TPP2: variants seen among roughly 807,000 people sequenced by gnomAD.
TPP2 encodes tripeptidyl peptidase 2, also known as tripeptidyl-peptidase 2.
Under a neutral mutation model 155.9 loss-of-function variants are expected in TPP2, and 34 were observed. The observed-to-expected ratio is 0.22, with a 90% CI of 0.17 to 0.29. The LOEUF (loss-of-function observed/expected upper bound fraction) is 0.29. TPP2 is among the 10% of genes least tolerant of loss of function. TPP2 has a pLI of 1.00. For missense variants in TPP2, 1,028 were observed against 1,522.3 expected (o/e 0.68, Z 5.40); for synonymous variants, 510 against 529.4 (o/e 0.96, Z 0.50).
At chr13:102,669,054 C>A (rs1343706269) in intron 27 of TPP2, among the ~76,000 whole-genome samples, 1 of 152,122 alleles carries the variant, frequency 6.6e-6, no homozygotes, top group Non-Finnish European at 1.5e-5. Flanking sequence ...TGTCTTCTTC[C>A]CAGTGTTAAC....
Position 102,676,464 on chromosome 13 carries a change from T to C in TPP2, c.3699+49T>C, listed in dbSNP as rs758137807. 4.9e-5 allele frequency: 78 copies of C among 1,589,734 alleles called. 1 individual carries two copies. The South Asian group carries it at 8.4e-4, about 17-fold the overall frequency. ...TGTTAAGCATCACTTTGATATTGCA[T>C]AGTGACAAGATAACTAGAAAGGATT... On this transcript the variant is annotated intron_variant, in intron 29 of 29. Transcript: ENST00000376052.
At chr13:102,628,900 C>T (rs551877990) in intron 8 of TPP2, among the ~76,000 whole-genome samples, 1 of 152,170 alleles carries the variant, frequency 6.6e-6, no homozygotes, top group Non-Finnish European at 1.5e-5. Context: ...CTCACACTTA[C>T]AACTTTGAAG....
intron 27 of TPP2, among the ~76,000 whole-genome samples, chr13:102,667,345 T>G (rs1484240169): frequency 6.6e-6 from 1 of 152,208 alleles, no homozygotes; most frequent in Admixed American, 6.5e-5. Context: ...CTAACTAGAT[T>G]TGATTTCAAG....
At chr13:102,672,774 G>A (rs947988424) in intron 27 of TPP2, among the ~76,000 whole-genome samples, 15 of 152,314 alleles carry the variant, frequency 9.8e-5, no homozygotes, top group Non-Finnish European at 1.9e-4. Flanking sequence ...GGCAAGCCAT[G>A]CAGATGCCCC....
At chr13:102,625,097 A>G (rs1203023174) in intron 6 of TPP2, among the ~76,000 whole-genome samples, 1 of 147,042 alleles carries the variant, frequency 6.8e-6, no homozygotes, top group South Asian at 2.1e-4. Flanking sequence ...TGACCTCGTG[A>G]TCCACCCGCC....
chr13:102,659,326 C>T (rs899659905), intron 25 of TPP2, among the ~76,000 whole-genome samples: 2 of 151,936 alleles, frequency 1.3e-5, no homozygotes, highest in East Asian at 3.9e-4. Flanking sequence ...CTGGAAACAC[C>T]CCATATTTAT....
At chr13:102,620,853 A>C (rs1277159943) in intron 5 of TPP2, among the ~76,000 whole-genome samples, 4 of 152,188 alleles carry the variant, frequency 2.6e-5, no homozygotes, top group Non-Finnish European at 5.9e-5. Context: ...TTTACAGTGG[A>C]TTTTGACCTT....
At position 102,652,397 on chromosome 13, in the gene TPP2, CATATATATATATATATATATATATATAT is replaced by C. The variant is rs10530428; in HGVS notation, c.2991+1030_2991+1057del. On this transcript the variant is annotated intron_variant, in intron 24 of 29. Transcript: ENST00000376052. Reference sequence around the variant, plus strand: ...CCTGTCTCAAAACAAAACATACATACATATATATATATATATATATATATATATATATATATATATATATATATATATA... The same window carrying C: ...CCTGTCTCAAAACAAAACATACATACATATATATATATATATATATATATA... Among the ~76,000 whole-genome samples, 114 of 125,552 alleles carry C rather than the reference CATATATATATATATATATATATATATAT, an allele frequency of 9.1e-4. 1 individual carries two copies. Among genetic ancestry groups the C allele is most frequent in the Middle Eastern group, 4.2e-3 (1 of 240 alleles). The allele number at this position is 125,552 out of a possible 152,430, so 82.4% of individuals were successfully genotyped here. A position where few individuals can be genotyped will look rare whatever the true frequency, so the allele number is the denominator to read the frequency against.
chr13:102,636,335 G>A lies in TPP2; in HGVS notation c.1621G>A (p.Val541Met). The change falls in exon 13 of 30, where the codon GTG becomes ATG. Residue 541 changes from valine to methionine, a missense_variant. Around this residue, in one of 7 missense-constraint regions of TPP2, gnomAD observed 325 missense variants for 463.7 expected, o/e 0.70. Transcript: ENST00000376052. Reference protein sequence around the residue: ...RGIYLRDPVQVAAPSDHGVGI... With the variant: ...RGIYLRDPVQMAAPSDHGVGI... Reference sequence around the variant, plus strand: ...CATCTACCTCCGAGATCCTGTTCAGGTGGCTGCACCTTCAGATCATGGCGT... The same window carrying A: ...CATCTACCTCCGAGATCCTGTTCAGATGGCTGCACCTTCAGATCATGGCGT... 1 of 1,613,748 alleles carries A rather than the reference G, an allele frequency of 6.2e-7. No individual in the cohort carries two copies. Among genetic ancestry groups the A allele is most frequent in the Non-Finnish European group, 8.5e-7 (1 of 1,179,886 alleles).
intron 6 of TPP2, among the ~76,000 whole-genome samples, chr13:102,625,195 C>T (rs1316732716): frequency 3.7e-5 from 4 of 108,750 alleles, no homozygotes; most frequent in African/African-American, 7.5e-5. Context: ...GACAGAGTCT[C>T]GCTCTGTCGC....
chr13:102,644,748 T>G (rs1165636203), intron 18 of TPP2, 75 bp downstream of exon 18: 1 of 1,456,316 alleles, frequency 6.9e-7, no homozygotes, highest in African/African-American at 1.4e-5. Flanking sequence ...ATTGGTTAGA[T>G]TTAAACTTTA....
chr13:102,636,178 T>C, intron 12 of TPP2, 46 bp from the exon 13 acceptor site: 1 of 1,510,838 alleles, frequency 6.6e-7, no homozygotes, highest in South Asian at 1.3e-5. Context: ...CAAAATATTT[T>C]TTGACCCAAC....
intron 27 of TPP2, among the ~76,000 whole-genome samples, chr13:102,672,646 A>G (rs1259642286): frequency 2.0e-5 from 3 of 152,158 alleles, no homozygotes. Flanking sequence ...AAATCAGGAT[A>G]GTAGTTGTGC....
intron 16 of TPP2, among the ~76,000 whole-genome samples, chr13:102,640,857 G>T (rs1404899297): frequency 6.6e-6 from 1 of 151,882 alleles, no homozygotes; most frequent in African/African-American, 2.4e-5. Flanking sequence ...TCACCATGTT[G>T]GCTAGGATGG....
chr13:102,644,518 A>G (rs762350199), intron 17 of TPP2, 39 bp from the exon 18 acceptor site: 1 of 1,481,392 alleles, frequency 6.8e-7, no homozygotes, highest in Non-Finnish European at 9.2e-7. Context: ...TTTGAGAAAA[A>G]TAAGAAAAGA....
chr13:102,603,034 A>T (rs899980779), intron 1 of TPP2, among the ~76,000 whole-genome samples: 5 of 152,172 alleles, frequency 3.3e-5, no homozygotes, highest in African/African-American at 1.2e-4. Flanking sequence ...GCCAGCCAAG[A>T]AAGAGCCCAG....
chr13:102,657,222 G>A lies in TPP2; in HGVS notation c.3143+15G>A, dbSNP rs757764727. ...TGGATGACAAAGTAGGTTTTTAAATGTATTTTAATTCTTTAAATGTTTAGT... is the reference window on the plus strand; with the variant it reads ...TGGATGACAAAGTAGGTTTTTAAATATATTTTAATTCTTTAAATGTTTAGT... On this transcript the variant is annotated intron_variant, in intron 25 of 29. Transcript: ENST00000376052. The A allele has an allele frequency of 1.3e-6, 2 of 1,553,254 alleles. No individual in the cohort carries two copies. The highest frequency in any genetic ancestry group is 2.5e-5 in the South Asian group (2 of 81,184).
chr13:102,651,527 T>G, intron 24 of TPP2, 130 bp downstream of exon 24: 3 of 928,668 alleles, frequency 3.2e-6, no homozygotes, highest in Non-Finnish European at 4.8e-6. Context: ...TTCTAAAGTA[T>G]AGTGCTCTTA....
chr13:102,679,271 T>C lies in TPP2; in HGVS notation c.*955T>C, dbSNP rs1400188669. 6.6e-6 allele frequency: 1 copy of C among 152,410 alleles called. No individual in the cohort carries two copies. Among genetic ancestry groups the C allele is most frequent in the African/African-American group, 2.4e-5 (1 of 41,458 alleles). The allele number at this position is 152,410 out of a possible 1,614,324, so 9.4% of individuals were successfully genotyped here. A position where few individuals can be genotyped will look rare whatever the true frequency, so the allele number is the denominator to read the frequency against. ...AAAGTTAAACATAAGATAATCTATT[T>C]TACAGTGTTTCTTATAGGCTTACAA... is the stretch of plus-strand genomic sequence containing the variant. On this transcript the variant is annotated 3_prime_UTR_variant, in exon 30 of 30. Transcript: ENST00000376052.
Sources: allele counts gnomAD v4.1 joint callset (sites outside exome capture counted in the v4.1 genomes callset), GRCh38; gene constraint gnomAD v4.1.1; regional missense constraint gnomAD v4.1.1; transcripts MANE v1.5; gene names NCBI Gene and HGNC (gene_info 2026-07-23, HGNC 2026-07-21).